The following TAF3 variants were observed in gnomAD, a reference collection of about 807,000 sequenced individuals.
The protein encoded by TAF3 is transcription initiation factor TFIID subunit 3.
A neutral mutation model predicts 80.6 loss-of-function variants in TAF3; 7 were observed. The ratio of observed to expected loss-of-function variants is 0.09; its 90% confidence interval spans 0.05 to 0.16. TAF3 has a LOEUF of 0.16. Ranked by LOEUF, TAF3 falls within the 10% of genes least tolerant of loss-of-function variation. The pLI, the probability that TAF3 is intolerant of heterozygous loss-of-function variation, is 1.00. For synonymous variants in TAF3, 444 were observed against 446.1 expected (o/e 1.00, Z 0.06); for missense variants, 921 against 1,140.2 (o/e 0.81, Z 2.77).
chr10:7,928,779 T>A (rs1837840403), intron 2 of TAF3, among the ~76,000 whole-genome samples: 1 of 152,206 alleles, frequency 6.6e-6, no homozygotes, highest in Non-Finnish European at 1.5e-5. Context: ...CTTGTAGCTG[T>A]CATTTAGCAG....
intron 2 of TAF3, among the ~76,000 whole-genome samples, chr10:7,930,816 T>C (rs1026790978): frequency 2.0e-5 from 3 of 151,972 alleles, no homozygotes; most frequent in Non-Finnish European, 4.4e-5. Context: ...GCAGAGGATA[T>C]TGCTATCTAT....
intron 2 of TAF3, among the ~76,000 whole-genome samples, chr10:7,891,070 C>T (rs1266711600): frequency 6.6e-6 from 1 of 152,174 alleles, no homozygotes; most frequent in Non-Finnish European, 1.5e-5. Context: ...CAGTGAGTGA[C>T]AGCAGATGTG....
intron 2 of TAF3, among the ~76,000 whole-genome samples, chr10:7,917,738 G>A (rs536195181): frequency 1.3e-5 from 2 of 152,308 alleles, no homozygotes; most frequent in East Asian, 1.9e-4. Context: ...GACTAGATAC[G>A]GGGTGCGAGG....
intron 4 of TAF3, among the ~76,000 whole-genome samples, chr10:8,007,562 T>TATA (rs1832006765): frequency 1.7e-5 from 1 of 60,510 alleles, no homozygotes; most frequent in African/African-American, 7.5e-5. Flanking sequence ...GTGTGTGAAA[T>TATA]TATATATATA....
chr10:7,929,659 T>C (rs888253155), intron 2 of TAF3, among the ~76,000 whole-genome samples: 23 of 152,164 alleles, frequency 1.5e-4, no homozygotes, highest in African/African-American at 5.1e-4. Flanking sequence ...CCACCGTGCC[T>C]GGCCCTATAT....
intron 2 of TAF3, among the ~76,000 whole-genome samples, chr10:7,923,752 T>C (rs1837789458): frequency 6.6e-6 from 1 of 152,108 alleles, no homozygotes; most frequent in Non-Finnish European, 1.5e-5. Context: ...TTTGGATAAC[T>C]ATACAAATAT....
chr10:7,880,865 C>G (rs1837354900), intron 2 of TAF3, among the ~76,000 whole-genome samples: 1 of 152,182 alleles, frequency 6.6e-6, no homozygotes, highest in South Asian at 2.1e-4. Flanking sequence ...ATTACCATAT[C>G]TAATTTTCTG....
At chr10:7,900,240 G>A (rs1837545681) in intron 2 of TAF3, among the ~76,000 whole-genome samples, 1 of 152,130 alleles carries the variant, frequency 6.6e-6, no homozygotes, top group Non-Finnish European at 1.5e-5. Flanking sequence ...GCCAAAATAA[G>A]TCTTCTATTC....
chr10:7,868,144 T>C (rs1407531869), intron 2 of TAF3, among the ~76,000 whole-genome samples: 1 of 152,092 alleles, frequency 6.6e-6, no homozygotes, highest in African/African-American at 2.4e-5. Context: ...GCATGTGTAG[T>C]TCAAAGCCAT....
intron 2 of TAF3, among the ~76,000 whole-genome samples, chr10:7,829,379 T>G (rs1008935841): frequency 6.6e-6 from 1 of 152,232 alleles, no homozygotes; most frequent in African/African-American, 2.4e-5. Context: ...CTGGATGTCC[T>G]TTTTCTGTTT....
At chr10:8,014,489 A>G (rs770961063) in intron 6 of TAF3, 148 bp from the exon 7 acceptor site, 6 of 619,914 alleles carry the variant, frequency 9.7e-6, no homozygotes, top group African/African-American at 1.9e-5. Context: ...CGCATGCCCA[A>G]CAATAGTGCT....
rs895741057 is a variant in TAF3 at position 8,012,189 on chromosome 10, T to C, written c.2569-1542T>C. 2.6e-5 allele frequency among the ~76,000 whole-genome samples: 4 copies of C among 152,020 alleles called. 1 individual carries two copies. The highest frequency in any genetic ancestry group is 2.0e-4 in the Admixed American group (3 of 15,274). On this transcript the variant is annotated intron_variant, in intron 5 of 6. Transcript: ENST00000344293. ...TGAAACCCTGTCTTTAAAATAAAAA[T>C]GAAAATTTAAAAAAAGCTTTCTACC...
At chr10:7,953,765 G>T (rs1390851863) in intron 2 of TAF3, among the ~76,000 whole-genome samples, 1 of 152,230 alleles carries the variant, frequency 6.6e-6, no homozygotes, top group Non-Finnish European at 1.5e-5. Flanking sequence ...GAGATTCAGA[G>T]TGCACATCAT....
At chr10:7,934,952 A>G (rs940441833) in intron 2 of TAF3, among the ~76,000 whole-genome samples, 2 of 152,066 alleles carry the variant, frequency 1.3e-5, no homozygotes, top group East Asian at 1.9e-4. Context: ...TGTCTGGGGG[A>G]AAAAACACAT....
chr10:7,927,676 A>AGTT (rs1312026023), intron 2 of TAF3, among the ~76,000 whole-genome samples: 1 of 152,156 alleles, frequency 6.6e-6, no homozygotes, highest in African/African-American at 2.4e-5. Context: ...ATCACTTATA[A>AGTT]CCCCTTCCTC....
At chr10:7,901,537 A>G (rs572341284) in intron 2 of TAF3, among the ~76,000 whole-genome samples, 1 of 152,342 alleles carries the variant, frequency 6.6e-6, no homozygotes, top group South Asian at 2.1e-4. Context: ...AAACAGTATT[A>G]TGTGTGGCTG....
chr10:7,820,838 A>G (rs1436759079), intron 1 of TAF3, among the ~76,000 whole-genome samples: 1 of 152,148 alleles, frequency 6.6e-6, no homozygotes, highest in Admixed American at 6.5e-5. Context: ...ATATGCGTGC[A>G]TTTTTATCTT....
chr10:7,891,230 G>C (rs543592308), intron 2 of TAF3, among the ~76,000 whole-genome samples: 1 of 152,130 alleles, frequency 6.6e-6, no homozygotes, highest in African/African-American at 2.4e-5. Context: ...TGATATAAAG[G>C]AGTAATTTTC....
chr10:7,991,951 T>G (rs1220660759), intron 4 of TAF3, among the ~76,000 whole-genome samples: 1 of 152,202 alleles, frequency 6.6e-6, no homozygotes, highest in Non-Finnish European at 1.5e-5. Flanking sequence ...CTTTAATGTT[T>G]TCAAATAACT....
Sources: gnomAD v4.1 joint callset for allele counts (sites outside exome capture counted in the v4.1 genomes callset) on GRCh38, gnomAD v4.1.1 for gene constraint, MANE v1.5 for transcripts, NCBI Gene and HGNC (gene_info 2026-07-23, HGNC 2026-07-21) for gene names.